OR10A6: variants seen among roughly 807,000 people sequenced by gnomAD.
OR10A6 encodes olfactory receptor 10A6.
In OR10A6, 2 loss-of-function variants were observed where a neutral mutation model predicts 1.5. The ratio of observed to expected loss-of-function variants is 1.31; its 90% CI spans 0.54 to 4.13. The LOEUF is 4.13. Among genes scored for constraint, OR10A6 ranks in the 30% most tolerant of loss-of-function variants. The pLI, the probability that OR10A6 is intolerant of heterozygous loss-of-function variation, is 0.07. For missense variants in OR10A6, 492 were observed against 368.6 expected (o/e 1.33, Z -2.74); for synonymous variants, 169 against 137.3 (o/e 1.23, Z -1.61).
intron 3 of OR10A6, 170 bp downstream of exon 3, chr11:7,930,691 G>A (rs936730206): frequency 3.5e-4 from 54 of 152,212 alleles, no homozygotes; most frequent in African/African-American, 1.3e-3. Context: ...TATTTAAAAT[G>A]CATTTCTAAT....
intron 1 of OR10A6, 84 bp from the exon 2 acceptor site, chr11:7,931,097 A>G (rs1859525749): frequency 6.6e-6 from 1 of 152,348 alleles, no homozygotes; most frequent in South Asian, 2.1e-4. Context: ...ACTCCTGAGC[A>G]CTGAGCCATC....
rs1859432478 is a variant in OR10A6, at chr11:7,927,565, TAAAGA to T, written c.*148_*152del. The stretch of plus-strand genomic sequence containing the variant: ...TGAAAAAACTAAAAACATTAACATA[TAAAGA>T]TGCTCCTGATATACAATCAAACTTG... On this transcript the variant is annotated 3_prime_UTR_variant, in exon 4 of 4. Transcript: ENST00000641238. 3.6e-6 allele frequency: 2 copies of T among 559,002 alleles called. No homozygotes were observed. The highest frequency in any genetic ancestry group is 6.7e-5 in the Admixed American group (2 of 29,772). 34.6% of individuals were successfully genotyped at this position (559,002 alleles called of 1,614,324 possible).
Position 7,927,845 on chromosome 11 carries a change from A to G in OR10A6, c.818T>C (p.Val273Ala). 1 of 1,613,910 alleles carries G rather than the reference A, an allele frequency of 6.2e-7. No individual in the cohort carries two copies. Among genetic ancestry groups the G allele is most frequent in the Non-Finnish European group, 8.5e-7 (1 of 1,179,942 alleles). The change falls in exon 4 of 4, where the codon GTG (valine) becomes GCG (alanine). Residue 273 changes from valine to alanine, a missense_variant. Physicochemically the swap from Val to Ala is moderately conservative, Grantham distance 64. Coordinates refer to ENST00000641238, the MANE Select transcript of OR10A6 (RefSeq NM_001004461.2). ...CAGAAGTGAGTAAGACAATGACATC[A>G]CTTTCTTGGTTTCCGGTGAGTAGCC... Reference protein sequence around the residue: ...KSGYSPETKKVMSLSYSLLTP... With the variant: ...KSGYSPETKKAMSLSYSLLTP...
Position 7,928,588 on chromosome 11 carries a change from C to T in OR10A6, c.75G>A (p.Gly25=), listed in dbSNP as rs538906520. Residue 25 remains glycine, a synonymous_variant, in exon 4 of 4, where the codon GGG becomes GGA. Transcript: ENST00000641238. ...TAACCAGGAAAGCCACAAAGAGCTG[C>T]CCCTGGAGCTCAGGATAGTTAGAAA... ...LGFSNYPELQ[G]QLFVAFLVIY... 104 of 1,613,696 alleles carry T rather than the reference C, an allele frequency of 6.4e-5. No homozygotes were observed. The South Asian group carries it at 1.0e-3, about 16-fold the overall frequency.
rs779087808 is a variant in OR10A6, at chr11:7,928,007, A to G, written c.656T>C (p.Ile219Thr). ...VPFLLILLSY[I>T]RVLFAILKMP... ...CTTCAGGATGGCAAACAGAACTCGA[A>G]TGTAAGACAAGAGTATCAACAAGAA... is the stretch of plus-strand genomic sequence containing the variant. The change falls in exon 4 of 4, where the codon ATT (isoleucine) becomes ACT (threonine). Residue 219 changes from isoleucine to threonine, a missense_variant. Ile to Thr is a moderately conservative substitution (Grantham distance 89). Transcript: ENST00000641238. The G allele has an allele frequency of 2.5e-6, 4 of 1,614,024 alleles. No individual in the cohort carries two copies. Among genetic ancestry groups the G allele is most frequent in the Non-Finnish European group, 3.4e-6 (4 of 1,179,988 alleles).
Position 7,927,868 on chromosome 11 carries a change from G to T in OR10A6, c.795C>A (p.Gly265=). 6.2e-7 allele frequency: 1 copy of T among 1,613,990 alleles called. No homozygotes were observed. Among genetic ancestry groups the T allele is most frequent in the Non-Finnish European group, 8.5e-7 (1 of 1,179,974 alleles). Residue 265 remains glycine, a synonymous_variant, in exon 4 of 4, where the codon GGC becomes GGA. Transcript: ENST00000641238. Reference sequence around the variant, plus strand: ...TCACTTTCTTGGTTTCCGGTGAGTAGCCAGATTTGGGTTGTAAATAAGTCA... The same window carrying T: ...TCACTTTCTTGGTTTCCGGTGAGTATCCAGATTTGGGTTGTAAATAAGTCA... ...ASMTYLQPKS[G]YSPETKKVMS...
At position 7,928,120 on chromosome 11, in the gene OR10A6, G is replaced by A. The variant is rs1027157050; in HGVS notation, c.543C>T (p.Thr181=). The A allele has an allele frequency of 6.2e-7, 1 of 1,613,752 alleles. No individual in the cohort carries two copies. The highest frequency in any genetic ancestry group is 8.5e-7 in the Non-Finnish European group (1 of 1,179,986). Residue 181 remains threonine (T), a synonymous_variant, in exon 4 of 4, where the codon ACC becomes ACT. Transcript: ENST00000641238. ...CACATGCAAGTTCTAACACTGCTGG[G>A]GTTTCACAAGATATATGGTTAATTT... ...LNEINHISCE[T]PAVLELACAD... is the part of the protein sequence containing the mutation.
In OR10A6 at chr11:7,927,667, G is replaced by T; in HGVS notation, c.*51C>A. The T allele has an allele frequency of 2.5e-6, 3 of 1,194,302 alleles. No individual in the cohort carries two copies. The highest frequency in any genetic ancestry group is 3.6e-6 in the Non-Finnish European group (3 of 841,370). The allele number at this position is 1,194,302 out of a possible 1,614,324, so 74.0% of individuals were successfully genotyped here. ...AATGAATCTAAATTTATTAAATTTA[G>T]ATTGAATACAGTCATGCAGTGACTA... On this transcript the variant is annotated 3_prime_UTR_variant, in exon 4 of 4. Coordinates refer to ENST00000641238, the MANE Select transcript of OR10A6 (RefSeq NM_001004461.2).
chr11:7,928,526 ATAATAATGGCAT>A lies in OR10A6; in HGVS notation c.125_136del (p.Asn42_Ile45del), dbSNP rs1409768933. ...GCTCTGGTCTAGGGAGACGATGACT[ATAATAATGGCAT>A]TTCCTATCAGGGTCACCAGATAAAT... On this transcript the variant is annotated inframe_deletion, in exon 4 of 4. Transcript: ENST00000641238. 1.2e-6 allele frequency: 2 copies of A among 1,613,716 alleles called. No individual in the cohort carries two copies. Among genetic ancestry groups the A allele is most frequent in the Non-Finnish European group, 1.7e-6 (2 of 1,179,810 alleles).
rs997405539 is a variant in OR10A6 at position 7,928,818 on chromosome 11, G to A, written c.-156C>T. 9 of 428,030 alleles carry A rather than the reference G, an allele frequency of 2.1e-5. No homozygotes were observed. The highest frequency in any genetic ancestry group is 3.7e-5 in the Non-Finnish European group (9 of 244,346). 26.5% of individuals were successfully genotyped at this position (428,030 alleles called of 1,614,324 possible). ...ACAGAAATTTTCTTTGGCAATTTTA[G>A]ACAATGACCAAATACTTGGATTATA... is the stretch of plus-strand genomic sequence containing the variant. On this transcript the variant is annotated 5_prime_UTR_variant, in exon 4 of 4. Transcript: ENST00000641238.
At position 7,926,703 on chromosome 11, in the gene OR10A6, C is replaced by A. The variant is rs567996472; in HGVS notation, c.*1015G>T. On this transcript the variant is annotated 3_prime_UTR_variant, in exon 4 of 4. Coordinates refer to ENST00000641238, the MANE Select transcript of OR10A6 (RefSeq NM_001004461.2). The stretch of plus-strand genomic sequence containing the variant: ...GAAGAACCCTTTCTATTTATTATAG[C>A]AATATTAAAATAGGAAGCAAGAATG... The A allele has an allele frequency of 6.6e-6, 1 of 152,116 alleles. No homozygotes were observed. Among genetic ancestry groups the A allele is most frequent in the Admixed American group, 6.5e-5 (1 of 15,280 alleles). The allele number at this position is 152,116 out of a possible 1,614,324, so 9.4% of individuals were successfully genotyped here.
rs1180251583 is a variant in OR10A6 at position 7,929,727 on chromosome 11, T to TAC, written c.-1066_-1065insGT. ...CTCTCTCTCTTTCTATGTGTACATA[T>TAC]ATATATATATATATATATATATATA... On this transcript the variant is annotated 5_prime_UTR_variant, in exon 4 of 4. In the 5' UTR this introduces an upstream ATG that the reference lacks. Coordinates refer to ENST00000641238, the MANE Select transcript of OR10A6 (RefSeq NM_001004461.2). 1 of 22,368 alleles carries TAC rather than the reference T, an allele frequency of 4.5e-5. No homozygotes were observed. Among genetic ancestry groups the TAC allele is most frequent in the Non-Finnish European group, 1.2e-4 (1 of 8,486 alleles). 1.4% of individuals were successfully genotyped at this position (22,368 alleles called of 1,614,324 possible).
In OR10A6 at chr11:7,927,987, G is replaced by C. The variant is rs1268775934; in HGVS notation, c.676C>G (p.Leu226Val). The change falls in exon 4 of 4, where the codon CTG (leucine) becomes GTG (valine). Residue 226 changes from leucine to valine, a missense_variant. By Grantham distance (32) the Leu-to-Val change is conservative (BLOSUM62 1). Coordinates refer to ENST00000641238, the MANE Select transcript of OR10A6 (RefSeq NM_001004461.2). Reference sequence around the variant, plus strand: ...CTCCCAGTGGTTGATGGCATCTTCAGGATGGCAAACAGAACTCGAATGTAA... The same window carrying C: ...CTCCCAGTGGTTGATGGCATCTTCACGATGGCAAACAGAACTCGAATGTAA... The part of the protein sequence containing the change: ...LSYIRVLFAI[L>V]KMPSTTGRQK... 2 of 1,613,964 alleles carry C rather than the reference G, an allele frequency of 1.2e-6. No homozygotes were observed. Among genetic ancestry groups the C allele is most frequent in the Non-Finnish European group, 1.7e-6 (2 of 1,179,976 alleles).
In OR10A6 at chr11:7,925,595, G is replaced by A. The variant is rs1032601205; in HGVS notation, c.*2123C>T. The A allele has an allele frequency of 6.6e-6, 1 of 152,078 alleles. No homozygotes were observed. Among genetic ancestry groups the A allele is most frequent in the Admixed American group, 6.6e-5 (1 of 15,258 alleles). 9.4% of individuals were successfully genotyped at this position (152,078 alleles called of 1,614,324 possible). ...AGAATTTTTTTTAAGAAAAAAATTG[G>A]TTTACAGAATCAATGAACAAAATGA... On this transcript the variant is annotated 3_prime_UTR_variant, in exon 4 of 4. Coordinates refer to ENST00000641238, the MANE Select transcript of OR10A6 (RefSeq NM_001004461.2).
rs267603212 is a variant in OR10A6, at chr11:7,928,164, G to A, written c.499C>T (p.Pro167Ser). 8 of 1,613,770 alleles carry A rather than the reference G, an allele frequency of 5.0e-6. No homozygotes were observed. Among genetic ancestry groups the A allele is most frequent in the Non-Finnish European group, 6.8e-6 (8 of 1,179,844 alleles). The change falls in exon 4 of 4, where the codon CCC (proline) becomes TCC (serine). Residue 167 changes from proline (P) to serine (S), a missense_variant. By Grantham distance (74) the Pro-to-Ser change is moderately conservative. Transcript: ENST00000641238. ...TVQTSWVSSF[P>S]FCGLNEINHI... ...TTAATTTCATTAAGGCCACAAAAGG[G>A]AAAACTAGATACCCATGATGTTTGA...
chr11:7,928,252 A>T lies in OR10A6; in HGVS notation c.411T>A (p.Asn137Lys). ...CHPLNYQMIMNKGVFMKLIIF... is the reference protein window; with the variant it reads ...CHPLNYQMIMKKGVFMKLIIF... ...TAATTAATTTCATAAAAACTCCTTTATTCATAATCATTTGGTAGTTGAGAG... is the reference window on the plus strand; with the variant it reads ...TAATTAATTTCATAAAAACTCCTTTTTTCATAATCATTTGGTAGTTGAGAG... Residue 137 changes from asparagine (N) to lysine (K), a missense_variant, in exon 4 of 4, where the codon AAT becomes AAA. Coordinates refer to ENST00000641238, the MANE Select transcript of OR10A6 (RefSeq NM_001004461.2). 1 of 1,613,358 alleles carries T rather than the reference A, an allele frequency of 6.2e-7. No homozygotes were observed.
rs568028966 is a variant in OR10A6, at chr11:7,928,555, C to T, written c.108G>A (p.Leu36=). The change falls in exon 4 of 4, where the codon CTG becomes CTA. Residue 36 remains leucine (L), a synonymous_variant. Coordinates refer to ENST00000641238, the MANE Select transcript of OR10A6 (RefSeq NM_001004461.2). ...TAATGGCATTTCCTATCAGGGTCAC[C>T]AGATAAATAACCAGGAAAGCCACAA... is the stretch of plus-strand genomic sequence containing the variant. ...QLFVAFLVIY[L]VTLIGNAIII... The T allele has an allele frequency of 2.0e-4, 315 of 1,613,728 alleles. 8 individuals are homozygous for T. The South Asian group carries it at 3.3e-3, about 17-fold the overall frequency.
In OR10A6 at chr11:7,925,308, C is replaced by A. The variant is rs1252735496; in HGVS notation, c.*2410G>T. ...ATTTCTATCTCCTCACATAACATCA[C>A]AAATGTATAAATTCCCAGCACATAC... On this transcript the variant is annotated 3_prime_UTR_variant, in exon 4 of 4. Coordinates refer to ENST00000641238, the MANE Select transcript of OR10A6 (RefSeq NM_001004461.2). 1 of 152,170 alleles carries A rather than the reference C, an allele frequency of 6.6e-6. No homozygotes were observed. The highest frequency in any genetic ancestry group is 1.5e-5 in the Non-Finnish European group (1 of 68,024). 9.4% of individuals were successfully genotyped at this position (152,170 alleles called of 1,614,324 possible).
Position 7,930,905 on chromosome 11 carries a change from G to C in OR10A6, c.-1882-16C>G, listed in dbSNP as rs1395196075. On this transcript the variant is annotated splice_polypyrimidine_tract_variant and intron_variant, in intron 2 of 3. Transcript: ENST00000641238. ...AGGCTTCAGCCTGCCAATGGAAAGA[G>C]GTAAGTGTTGAACTTACTAACCAAG... The C allele has an allele frequency of 6.6e-6, 1 of 152,142 alleles. No individual in the cohort carries two copies. Among genetic ancestry groups the C allele is most frequent in the African/African-American group, 2.4e-5 (1 of 41,432 alleles). The allele number at this position is 152,142 out of a possible 1,614,324, so 9.4% of individuals were successfully genotyped here. A position where few individuals can be genotyped will look rare whatever the true frequency, so the allele number is the denominator to read the frequency against.
Sources: gnomAD v4.1 joint callset for allele counts on GRCh38, gnomAD v4.1.1 for gene constraint, MANE v1.5 for transcripts, NCBI Gene and HGNC (gene_info 2026-07-23, HGNC 2026-07-21) for gene names.